Variants in APP observed in about 807,000 individuals in gnomAD.
APP encodes amyloid beta precursor protein, also known as amyloid-beta precursor protein.
Under a neutral mutation model 101.4 loss-of-function variants are expected in APP, and 31 were observed. The observed-to-expected ratio is 0.31, with a 90% CI of 0.23 to 0.41. The LOEUF is 0.41. Ranked by LOEUF, APP falls within the 10% of genes least tolerant of loss-of-function variation. The pLI is 1.00. For synonymous variants in APP, 366 were observed against 364.4 expected (o/e 1.00, Z -0.05); for missense variants, 839 against 1,003.7 (o/e 0.84, Z 2.22).
intron 15 of APP, chr21:25,897,920 G>A (rs554747148): frequency 5.9e-6 from 3 of 512,652 alleles, no homozygotes; most frequent in Non-Finnish European, 1.0e-5. Flanking sequence ...TTAAATACAT[G>A]CTATAATTTT....
In APP at chr21:26,130,821, A is replaced by C. The variant is rs537596827; in HGVS notation, c.58-18675T>G. Among the ~76,000 whole-genome samples the C allele has an allele frequency of 3.9e-5, 6 of 152,204 alleles. No homozygotes were observed. The South Asian group carries it at 1.0e-3, about 26-fold the overall frequency. The stretch of plus-strand genomic sequence containing the variant: ...GTAGCCTTCCCTTCCTTCCTTCCTT[A>C]CTATCACAGAAAAGAACAAAGAAAA... On this transcript the variant is annotated intron_variant, in intron 1 of 17. Coordinates refer to ENST00000346798, the MANE Select transcript of APP (RefSeq NM_000484.4).
rs117046227 is a variant in APP at position 26,127,508 on chromosome 21, A to C, written c.58-15362T>G. 7.9e-5 allele frequency among the ~76,000 whole-genome samples: 12 copies of C among 152,332 alleles called. No homozygotes were observed. In the East Asian group the frequency reaches 1.2e-3, roughly 15 times the overall value. On this transcript the variant is annotated intron_variant, in intron 1 of 17. Coordinates refer to ENST00000346798, the MANE Select transcript of APP (RefSeq NM_000484.4). Reference sequence around the variant, plus strand: ...AAAAATTATTGCTAGAAACCTCTCTATGTCTTGTATCTGCAACTATGAACA... The same window carrying C: ...AAAAATTATTGCTAGAAACCTCTCTCTGTCTTGTATCTGCAACTATGAACA...
At chr21:25,896,065 G>A (rs1403910526) in intron 16 of APP, among the ~76,000 whole-genome samples, 2 of 152,068 alleles carry the variant, frequency 1.3e-5, no homozygotes, top group East Asian at 1.9e-4. Context: ...TACATTAATC[G>A]TCAGCTTTCT....
chr21:26,020,859 C>G (rs2044304783), intron 6 of APP, among the ~76,000 whole-genome samples: 1 of 152,070 alleles, frequency 6.6e-6, no homozygotes, highest in Non-Finnish European at 1.5e-5. Context: ...CAAGTATGAC[C>G]TTTAGTTCTT....
Position 25,881,018 on chromosome 21 carries a change from A to G in APP, c.*652T>C, listed in dbSNP as rs2036955949. 6.6e-6 allele frequency: 1 copy of G among 152,630 alleles called. No individual in the cohort carries two copies. Among genetic ancestry groups the G allele is most frequent in the African/African-American group, 2.4e-5 (1 of 41,346 alleles). 9.5% of individuals were successfully genotyped at this position (152,630 alleles called of 1,614,324 possible). The stretch of plus-strand genomic sequence containing the variant: ...AGACCCAAAGATACGTGGACAAAAA[A>G]AGAAAAGCTTGAAGTCTCAATGCCT... On this transcript the variant is annotated 3_prime_UTR_variant, in exon 18 of 18. Coordinates refer to ENST00000346798, the MANE Select transcript of APP (RefSeq NM_000484.4).
In APP at chr21:26,112,072, G is replaced by A; in HGVS notation, c.132C>T (p.His44=). The change falls in exon 2 of 18, where the codon CAC becomes CAT. Residue 44 remains histidine, a synonymous_variant. Coordinates refer to ENST00000346798, the MANE Select transcript of APP (RefSeq NM_000484.4). ...IAMFCGRLNM[H]MNVQNGKWDS... ...CCCACTTCCCATTCTGGACATTCAT[G>A]TGCATGTTCAGTCTGCCACAGAACA... 6.2e-7 allele frequency: 1 copy of A among 1,614,110 alleles called. No individual in the cohort carries two copies. The highest frequency in any genetic ancestry group is 8.5e-7 in the Non-Finnish European group (1 of 1,179,994).
At chr21:26,035,693 T>C (rs1307838052) in intron 5 of APP, among the ~76,000 whole-genome samples, 1 of 152,184 alleles carries the variant, frequency 6.6e-6, no homozygotes, top group African/African-American at 2.4e-5. Flanking sequence ...ATAAACACTC[T>C]ACATCCTGGC....
intron 11 of APP, among the ~76,000 whole-genome samples, chr21:25,969,140 C>A (rs1358679026): frequency 2.0e-5 from 3 of 151,354 alleles, no homozygotes; most frequent in South Asian, 2.1e-4. Context: ...GAGATCCAGA[C>A]CAACCTGGCT....
rs1330832723 is a variant in APP, at chr21:26,170,626, C to T, written c.-6G>A. On this transcript the variant is annotated 5_prime_UTR_variant, in exon 1 of 18. Coordinates refer to ENST00000346798, the MANE Select transcript of APP (RefSeq NM_000484.4). ...AGTGCCAAACCGGGCAGCATCGCGA[C>T]CCTGCGCGGGGCACCGAGTGCGCTG... The T allele has an allele frequency of 2.0e-6, 3 of 1,534,440 alleles. No individual in the cohort carries two copies. The highest frequency in any genetic ancestry group is 2.8e-5 in the African/African-American group (2 of 72,358).
chr21:26,113,831 T>C (rs376006000), intron 1 of APP, among the ~76,000 whole-genome samples: 10 of 152,214 alleles, frequency 6.6e-5, no homozygotes, highest in Admixed American at 3.9e-4. Context: ...GAAATCGAAA[T>C]GCAAATGTTG....
At chr21:26,109,797 T>G (rs1265740700) in intron 2 of APP, among the ~76,000 whole-genome samples, 3 of 152,120 alleles carry the variant, frequency 2.0e-5, no homozygotes, top group Admixed American at 2.0e-4. Context: ...AAGAAAAACT[T>G]AGATGCAAAC....
chr21:25,927,757 GA>G (rs1295571745), intron 13 of APP, among the ~76,000 whole-genome samples: 79 of 152,272 alleles, frequency 5.2e-4, no homozygotes, highest in Non-Finnish European at 1.8e-4. Context: ...ACATTTTCCT[GA>G]AATATCACTT....
chr21:26,053,439 A>G (rs1463987136), intron 3 of APP, 91 bp from the exon 4 acceptor site: 3 of 959,076 alleles, frequency 3.1e-6, no homozygotes, highest in Non-Finnish European at 5.1e-6. Flanking sequence ...ACTTCAAGAC[A>G]AGTTAAACAG....
At chr21:25,980,424 C>T (rs73163722) in intron 9 of APP, among the ~76,000 whole-genome samples, 25,044 of 151,818 alleles carry the variant, frequency 0.16, 2,194 homozygotes, top group South Asian at 0.32. Context: ...CAATGCTTTC[C>T]GAACAGTGCC....
Position 26,032,805 on chromosome 21 carries a change from A to AAAAT in APP, c.663-10764_663-10763insATTT, listed in dbSNP as rs1491556765. Among the ~76,000 whole-genome samples the AAAAT allele has an allele frequency of 2.1e-3, 257 of 124,466 alleles. 2 individuals are homozygous for AAAAT. Among genetic ancestry groups the AAAAT allele is most frequent in the South Asian group, 0.015 (61 of 4,158 alleles). The allele number at this position is 124,466 out of a possible 152,430, so 81.7% of individuals were successfully genotyped here. On this transcript the variant is annotated intron_variant, in intron 5 of 17. Coordinates refer to ENST00000346798, the MANE Select transcript of APP (RefSeq NM_000484.4). ...GGCTTATTATTTTAGAAAAAAAAAA[A>AAAAT]ATATATATATATATATAAAGAGCTA...
chr21:26,010,092 A>G (rs913854981), intron 6 of APP, among the ~76,000 whole-genome samples: 2 of 152,044 alleles, frequency 1.3e-5, no homozygotes, highest in Non-Finnish European at 2.9e-5. Context: ...CACAATCTCT[A>G]GCAGGCAAAG....
At chr21:26,041,573 A>G (rs568855822) in intron 5 of APP, among the ~76,000 whole-genome samples, 119 of 152,244 alleles carry the variant, frequency 7.8e-4, no homozygotes, top group Middle Eastern at 3.4e-3. Context: ...AGTATTTCTC[A>G]TTCAGCAATA....
intron 1 of APP, among the ~76,000 whole-genome samples, chr21:26,117,138 C>T (rs897502182): frequency 6.6e-6 from 1 of 152,214 alleles, no homozygotes; most frequent in African/African-American, 2.4e-5. Context: ...CCTGCCTCGG[C>T]CTCCCAAAAT....
chr21:26,144,215 T>C (rs1179472265), intron 1 of APP, among the ~76,000 whole-genome samples: 1 of 152,118 alleles, frequency 6.6e-6, no homozygotes, highest in Non-Finnish European at 1.5e-5. Flanking sequence ...CTCCACCTGG[T>C]CCCTCCCACT....
Sources: allele counts gnomAD v4.1 joint callset (sites outside exome capture counted in the v4.1 genomes callset), GRCh38; gene constraint gnomAD v4.1.1; transcripts MANE v1.5; gene names NCBI Gene and HGNC (gene_info 2026-07-23, HGNC 2026-07-21).